KCNH6: variants seen among roughly 807,000 people sequenced by gnomAD.
KCNH6 encodes the protein voltage-gated inwardly rectifying potassium channel KCNH6.
A neutral mutation model predicts 83.4 loss-of-function variants in KCNH6; 81 were observed. The observed-to-expected ratio is 0.97, with a 90% CI of 0.81 to 1.17. KCNH6 has a LOEUF of 1.17. Ranked by LOEUF, KCNH6 falls within the 50% of genes most tolerant of loss-of-function variation. The probability of loss-of-function intolerance (pLI) is 0.00; values close to 1 mark genes in which losing one functional copy is unlikely to be tolerated. For missense variants in KCNH6, 1,203 were observed against 1,290.5 expected, an observed-to-expected ratio of 0.93 and a Z score of 1.04; for synonymous variants, 503 against 545.6, an observed-to-expected ratio of 0.92 and a Z score of 1.09.
At chr17:63,529,891 C>T (rs1434122541) in intron 2 of KCNH6, among the ~76,000 whole-genome samples, 200 bp from the exon 3 acceptor site, 6 of 152,252 alleles carry the variant, frequency 3.9e-5, no homozygotes, top group Admixed American at 1.3e-4. Context: ...CTTAACCGCT[C>T]TCCCCACCTC....
In KCNH6 at chr17:63,535,541, G is replaced by A. The variant is rs913707516; in HGVS notation, c.1102-128G>A. ...TGCCACACTGCCAAGTGCGTGGCCC[G>A]GAGGAAGTTCTCCATAAATGTTTGT... On this transcript the variant is annotated intron_variant, in intron 5 of 12. Transcript: ENST00000314672. This position sits in a 1 kb window ranked among gnomAD's most constrained non-coding sequence, Gnocchi z 4.9. 3.8e-5 allele frequency: 33 copies of A among 865,996 alleles called. No homozygotes were observed. Among genetic ancestry groups the A allele is most frequent in the South Asian group, 3.6e-4 (21 of 58,524 alleles). 53.6% of individuals were successfully genotyped at this position (865,996 alleles called of 1,614,324 possible).
In KCNH6 at chr17:63,546,655, G is replaced by A. The variant is rs2033154870; in HGVS notation, c.*753G>A. 1 of 152,272 alleles carries A rather than the reference G, an allele frequency of 6.6e-6. No homozygotes were observed. The allele number at this position is 152,272 out of a possible 1,614,324, so 9.4% of individuals were successfully genotyped here. A position where few individuals can be genotyped will look rare whatever the true frequency, so the allele number is the denominator to read the frequency against. On this transcript the variant is annotated 3_prime_UTR_variant, in exon 13 of 13. Coordinates refer to ENST00000314672, the MANE Select transcript of KCNH6 (RefSeq NM_001278919.2). ...AGTCCTCCAGCCCTCTGCTCCTGAT[G>A]GTTCTGTGACATTGGGTCTCTTGAG... is the stretch of plus-strand genomic sequence containing the variant.
At position 63,545,628 on chromosome 17, in the gene KCNH6, T is replaced by C. The variant is rs1052919472; in HGVS notation, c.2603T>C (p.Leu868Ser). Residue 868 changes from leucine (L) to serine (S), a missense_variant, in exon 13 of 13, where the codon TTG becomes TCG. Coordinates refer to ENST00000314672, the MANE Select transcript of KCNH6 (RefSeq NM_001278919.2). ...PPAQTPSYGD[L>S]DDCSPKHRNS... ...TCCCAGACCCCAAGCTATGGAGACT[T>C]GGATGACTGTAGTCCAAAGCACAGG... is the stretch of plus-strand genomic sequence containing the variant. 7 of 1,613,694 alleles carry C rather than the reference T, an allele frequency of 4.3e-6. No homozygotes were observed. In the Middle Eastern group the frequency reaches 5.0e-4, roughly 114 times the overall value.
intron 8 of KCNH6, among the ~76,000 whole-genome samples, chr17:63,539,734 A>T (rs934125736): frequency 6.6e-6 from 1 of 152,032 alleles, no homozygotes; most frequent in Non-Finnish European, 1.5e-5. Flanking sequence ...CCCTGCCTGG[A>T]TCCAGCCCTC....
At position 63,538,540 on chromosome 17, in the gene KCNH6, A is replaced by G. The variant is rs762738830; in HGVS notation, c.1832A>G (p.Lys611Arg). ...GCLRALAVKF[K>R]TTHAPPGDTL... ...CTGCGCGCGCTAGCCGTCAAGTTCA[A>G]GACCACCCACGCGCCGCCTGGGGAC... The change falls in exon 8 of 13, where the codon AAG (lysine) becomes AGG (arginine). Residue 611 changes from lysine to arginine, a missense_variant. Coordinates refer to ENST00000314672, the MANE Select transcript of KCNH6 (RefSeq NM_001278919.2). This position sits in a 1 kb window ranked among gnomAD's most constrained non-coding sequence, Gnocchi z 4.0. 3.1e-6 allele frequency: 5 copies of G among 1,610,466 alleles called. No individual in the cohort carries two copies. The East Asian group carries it at 6.7e-5, about 22-fold the overall frequency.
chr17:63,527,121 G>A (rs999764486), intron 2 of KCNH6, among the ~76,000 whole-genome samples: 8 of 152,146 alleles, frequency 5.3e-5, no homozygotes, highest in African/African-American at 9.7e-5. Context: ...TGAGGATCCC[G>A]AACCAGAGAG....
Position 63,523,396 on chromosome 17 carries a change from A to AG in KCNH6, c.-14dup. The AG allele has an allele frequency of 6.3e-7, 1 of 1,584,754 alleles. No homozygotes were observed. The highest frequency in any genetic ancestry group is 1.4e-5 in the African/African-American group (1 of 72,400). On this transcript the variant is annotated 5_prime_UTR_variant, in exon 1 of 13. Coordinates refer to ENST00000314672, the MANE Select transcript of KCNH6 (RefSeq NM_001278919.2). This position sits in a 1 kb window ranked among gnomAD's most constrained non-coding sequence, Gnocchi z 4.2. ...GCCAGTGGCGCCTGTGGCTCCGGGC[A>AG]GGGGCCGCGGCCGAAAGATGCCGGT...
At chr17:63,532,014 A>C (rs188026158) in intron 4 of KCNH6, among the ~76,000 whole-genome samples, 19 of 152,312 alleles carry the variant, frequency 1.2e-4, no homozygotes, top group African/African-American at 4.1e-4. Context: ...GTGGCCTCAC[A>C]CTGGAGCCTG....
In KCNH6 at chr17:63,545,918, C is replaced by T. The variant is rs758124328; in HGVS notation, c.*16C>T. 3 of 1,610,916 alleles carry T rather than the reference C, an allele frequency of 1.9e-6. No homozygotes were observed. The highest frequency in any genetic ancestry group is 4.5e-5 in the East Asian group (2 of 44,848). On this transcript the variant is annotated 3_prime_UTR_variant, in exon 13 of 13. Coordinates refer to ENST00000314672, the MANE Select transcript of KCNH6 (RefSeq NM_001278919.2). Reference sequence around the variant, plus strand: ...GGGCCACTGAACTCCAAGATAAAGACACCATGAGGGGACTGAAGGTGGGCA... The same window carrying T: ...GGGCCACTGAACTCCAAGATAAAGATACCATGAGGGGACTGAAGGTGGGCA...
chr17:63,547,704 C>CT (rs1346434494), downstream of KCNH6, among the ~76,000 whole-genome samples: 1 of 152,076 alleles, frequency 6.6e-6, no homozygotes, highest in Non-Finnish European at 1.5e-5. Flanking sequence ...AATCCCAACA[C>CT]TTTGGGAGGC....
intron 10 of KCNH6, 139 bp from the exon 11 acceptor site, chr17:63,544,110 G>A: frequency 6.2e-7 from 1 of 1,608,534 alleles, no homozygotes; most frequent in Non-Finnish European, 8.5e-7. Context: ...TTGTGCTCCA[G>A]GGCACCCAGG....
chr17:63,530,345 C>T lies in KCNH6; in HGVS notation c.478C>T (p.His160Tyr). The T allele has an allele frequency of 1.9e-6, 3 of 1,614,138 alleles. No homozygotes were observed. Among genetic ancestry groups the T allele is most frequent in the Non-Finnish European group, 2.5e-6 (3 of 1,180,014 alleles). ...CCTGGCCCTGGTTTCAGAGGGCTCT[C>T]ATGGCAGGCCAGGCGGACCAGGGCC... ...SQSFLGSEGS[H>Y]GRPGGPGPGT... Residue 160 changes from histidine (H) to tyrosine (Y), a missense_variant, in exon 4 of 13, where the codon CAT becomes TAT. Physicochemically the swap from His to Tyr is moderately conservative, Grantham distance 83 (BLOSUM62 2). Coordinates refer to ENST00000314672, the MANE Select transcript of KCNH6 (RefSeq NM_001278919.2).
intron 4 of KCNH6, among the ~76,000 whole-genome samples, chr17:63,532,692 T>C (rs1568071985): frequency 6.6e-6 from 1 of 152,192 alleles, no homozygotes; most frequent in African/African-American, 2.4e-5. Flanking sequence ...CATCTGCTAA[T>C]TGATTTGGTT....
Position 63,534,264 on chromosome 17 carries a change from G to T in KCNH6, c.1054G>T (p.Ala352Ser). The T allele has an allele frequency of 6.2e-7, 1 of 1,614,094 alleles. No individual in the cohort carries two copies. The highest frequency in any genetic ancestry group is 8.5e-7 in the Non-Finnish European group (1 of 1,179,996). ...GGGCTGGTTCCTCATTGACATGGTG[G>T]CCGCCATCCCTTTCGACCTCCTGAT... ...FKGWFLIDMV[A>S]AIPFDLLIFR... is the part of the protein sequence containing the mutation. The change falls in exon 5 of 13, where the codon GCC (alanine) becomes TCC (serine). Residue 352 changes from alanine (A) to serine (S), a missense_variant. Ala to Ser is a moderately conservative substitution (Grantham distance 99). Transcript: ENST00000314672. The surrounding 1 kb of genome is among the most constrained non-coding windows in gnomAD (Gnocchi z 5.0).
Position 63,536,952 on chromosome 17 carries a change from CAAA to C in KCNH6, c.1501+907_1501+909del, listed in dbSNP as rs60039258. ...TGGGAGACAGAGCAAGACTCCGTCT[CAAA>C]AAAAAAAAAAAAAAAAAAAAAAGAA... On this transcript the variant is annotated intron_variant, in intron 6 of 12. Coordinates refer to ENST00000314672, the MANE Select transcript of KCNH6 (RefSeq NM_001278919.2). 6.0e-4 allele frequency among the ~76,000 whole-genome samples: 34 copies of C among 56,526 alleles called. No individual in the cohort carries two copies. In the South Asian group the frequency reaches 0.014, roughly 23 times the overall value. The allele number at this position is 56,526 out of a possible 152,430, so 37.1% of individuals were successfully genotyped here.
intron 2 of KCNH6, among the ~76,000 whole-genome samples, chr17:63,526,516 C>A (rs544530928): frequency 2.1e-4 from 32 of 152,022 alleles, no homozygotes; most frequent in African/African-American, 7.0e-4. Context: ...ACCCTCACAC[C>A]CGACTAATTT....
At chr17:63,541,482 G>A (rs1325483114) in intron 8 of KCNH6, among the ~76,000 whole-genome samples, 1 of 148,538 alleles carries the variant, frequency 6.7e-6, no homozygotes, top group African/African-American at 2.6e-5. Flanking sequence ...TTTTAGTAGA[G>A]ATGCGGTTTC....
intron 9 of KCNH6, 76 bp downstream of exon 9, chr17:63,542,510 C>T (rs62077467): frequency 1.4e-5 from 18 of 1,276,140 alleles, no homozygotes; most frequent in Non-Finnish European, 1.8e-5. Flanking sequence ...ACCCATCTGA[C>T]CAACACCCTT....
chr17:63,527,219 G>C (rs1343640061), intron 2 of KCNH6, among the ~76,000 whole-genome samples: 3 of 152,208 alleles, frequency 2.0e-5, no homozygotes, highest in Admixed American at 6.5e-5. Flanking sequence ...AGGGGCTGCT[G>C]TCTGCCCCCA....
Sources: allele counts gnomAD v4.1 joint callset (sites outside exome capture counted in the v4.1 genomes callset), GRCh38; gene constraint gnomAD v4.1.1; non-coding constraint Gnocchi (gnomAD v3.1); transcripts MANE v1.5; gene names NCBI Gene and HGNC (gene_info 2026-07-23, HGNC 2026-07-21).